CDH4: variants seen among roughly 807,000 people sequenced by gnomAD.
CDH4 encodes cadherin 4.
Under a neutral mutation model 86.0 loss-of-function variants are expected in CDH4, and 33 were observed. That is an observed-to-expected ratio of 0.38 (90% CI 0.29 to 0.51). The LOEUF (loss-of-function observed/expected upper bound fraction) is 0.51. Ranked by LOEUF, CDH4 falls within the 20% of genes least tolerant of loss-of-function variation. The pLI is 0.86. For missense variants in CDH4, 1,114 were observed against 1,307.4 expected, an observed-to-expected ratio of 0.85 and a Z score of 2.28; for synonymous variants, 555 against 549.4, an observed-to-expected ratio of 1.01 and a Z score of -0.14.
intron 2 of CDH4, among the ~76,000 whole-genome samples, chr20:61,323,630 C>T (rs190913393): frequency 3.9e-5 from 6 of 152,232 alleles, no homozygotes; most frequent in Admixed American, 1.3e-4. Context: ...CCAAGACTGG[C>T]GTCTTCGTGG....
intron 2 of CDH4, among the ~76,000 whole-genome samples, chr20:61,494,130 C>T (rs1292901550): frequency 6.6e-6 from 1 of 152,198 alleles, no homozygotes; most frequent in East Asian, 1.9e-4. Flanking sequence ...GGGGCCGAGC[C>T]GGGCTGGGTG....
At chr20:61,424,242 G>A (rs887201873) in intron 2 of CDH4, among the ~76,000 whole-genome samples, 4 of 137,486 alleles carry the variant, frequency 2.9e-5, no homozygotes, top group Admixed American at 7.0e-5. Flanking sequence ...ATATCCACAT[G>A]TATCCACACA....
intron 2 of CDH4, among the ~76,000 whole-genome samples, chr20:61,699,765 G>A (rs1481896434): frequency 8.3e-5 from 7 of 84,604 alleles, no homozygotes; most frequent in Non-Finnish European, 1.4e-4. Flanking sequence ...GGCTTTCACC[G>A]CGGACCCGGG....
chr20:61,707,272 G>A (rs2087841859), intron 2 of CDH4, among the ~76,000 whole-genome samples: 1 of 152,266 alleles, frequency 6.6e-6, no homozygotes, highest in African/African-American at 2.4e-5. Flanking sequence ...ATGCATGGAG[G>A]CCCTCTGTCC....
intron 2 of CDH4, among the ~76,000 whole-genome samples, chr20:61,515,385 C>T (rs2085811374): frequency 6.6e-6 from 1 of 152,242 alleles, no homozygotes; most frequent in Admixed American, 6.5e-5. Flanking sequence ...GCTGGCTGCA[C>T]CTGCAAAGCC....
At chr20:61,330,063 A>G (rs1441926564) in intron 2 of CDH4, among the ~76,000 whole-genome samples, 2 of 152,162 alleles carry the variant, frequency 1.3e-5, no homozygotes, top group Non-Finnish European at 2.9e-5. Flanking sequence ...TATATGTACC[A>G]CATTTTCTTT....
At chr20:61,464,775 G>A (rs950992820) in intron 2 of CDH4, among the ~76,000 whole-genome samples, 2 of 152,300 alleles carry the variant, frequency 1.3e-5, no homozygotes, top group East Asian at 3.9e-4. Flanking sequence ...GCAAGAGTGG[G>A]CGCTCCTGCC....
chr20:61,334,704 G>A (rs977949366), intron 2 of CDH4, among the ~76,000 whole-genome samples: 4 of 152,208 alleles, frequency 2.6e-5, no homozygotes, highest in African/African-American at 9.6e-5. Context: ...TATGGATTTG[G>A]GGGTGGGGGA....
chr20:61,595,622 A>G (rs2086551817), intron 2 of CDH4, among the ~76,000 whole-genome samples: 1 of 152,062 alleles, frequency 6.6e-6, no homozygotes, highest in African/African-American at 2.4e-5. Context: ...GTTTTTGTTG[A>G]TTCTTCTGTA....
At chr20:61,352,011 C>T (rs1004621424) in intron 2 of CDH4, among the ~76,000 whole-genome samples, 1 of 152,118 alleles carries the variant, frequency 6.6e-6, no homozygotes, top group African/African-American at 2.4e-5. Flanking sequence ...GCCACCGCAC[C>T]CGGCCTCCTT....
intron 2 of CDH4, among the ~76,000 whole-genome samples, chr20:61,624,962 A>T (rs2086816670): frequency 6.6e-6 from 1 of 152,220 alleles, no homozygotes; most frequent in Non-Finnish European, 1.5e-5. Flanking sequence ...GCCACAGAAT[A>T]ACTGGCAGGT....
At chr20:61,798,746 G>A (rs1236872931) in intron 4 of CDH4, among the ~76,000 whole-genome samples, 1 of 152,238 alleles carries the variant, frequency 6.6e-6, no homozygotes, top group Non-Finnish European at 1.5e-5. Context: ...AGAGGGCCGG[G>A]CCGGCAGGAG....
chr20:61,793,412 G>A (rs1398946840), intron 4 of CDH4, among the ~76,000 whole-genome samples: 1 of 152,218 alleles, frequency 6.6e-6, no homozygotes, highest in Admixed American at 6.5e-5. Flanking sequence ...AGAGGCAACT[G>A]GGAAAGAAAA....
At chr20:61,451,632 G>A (rs6142989) in intron 2 of CDH4, among the ~76,000 whole-genome samples, 2 of 152,072 alleles carry the variant, frequency 1.3e-5, no homozygotes, top group Non-Finnish European at 2.9e-5. Flanking sequence ...GACATACCTA[G>A]GAGAGCTGGG....
intron 2 of CDH4, among the ~76,000 whole-genome samples, chr20:61,439,237 T>TCGG (rs2085301765): frequency 1.3e-5 from 2 of 152,104 alleles, no homozygotes; most frequent in African/African-American, 2.4e-5. Flanking sequence ...GGTGTGCGTT[T>TCGG]TGGTTGTGCT....
chr20:61,383,810 G>T (rs1374285377), intron 2 of CDH4, among the ~76,000 whole-genome samples: 1 of 84,944 alleles, frequency 1.2e-5, no homozygotes, highest in Admixed American at 1.0e-4. Context: ...TATATATGAA[G>T]ATATATATGC....
chr20:61,306,097 A>C (rs1357978082), intron 2 of CDH4, among the ~76,000 whole-genome samples: 1 of 152,178 alleles, frequency 6.6e-6, no homozygotes, highest in East Asian at 1.9e-4. Context: ...ACGCTCTTGA[A>C]AACTTTGAAG....
chr20:61,894,502 C>T (rs1230683915), intron 7 of CDH4, among the ~76,000 whole-genome samples: 1 of 152,188 alleles, frequency 6.6e-6, no homozygotes, highest in African/African-American at 2.4e-5. Flanking sequence ...AACGAAGTCC[C>T]TCCTGACCCG....
At chr20:61,444,516 C>T (rs1226280521) in intron 2 of CDH4, among the ~76,000 whole-genome samples, 6 of 64,544 alleles carry the variant, frequency 9.3e-5, no homozygotes, top group South Asian at 1.1e-3. Flanking sequence ...TGTGTTTCTG[C>T]GTGTGTTTTT....
Sources: gnomAD v4.1 joint callset for allele counts (sites outside exome capture counted in the v4.1 genomes callset) on GRCh38, gnomAD v4.1.1 for gene constraint, MANE v1.5 for transcripts, NCBI Gene and HGNC (gene_info 2026-07-23, HGNC 2026-07-21) for gene names.